Variants in CROCC observed in about 807,000 individuals in gnomAD.
CROCC encodes rootletin.
A neutral mutation model predicts 245.2 loss-of-function variants in CROCC; 180 were observed. That is an observed-to-expected ratio of 0.73 (90% CI 0.65 to 0.83). The LOEUF (loss-of-function observed/expected upper bound fraction) is 0.83. Ranked by LOEUF, CROCC falls within the 40% of genes least tolerant of loss-of-function variation. The pLI is 0.00. For synonymous variants in CROCC, 1,205 were observed against 1,241.6 expected, an observed-to-expected ratio of 0.97 and a Z score of 0.62; for missense variants, 2,688 against 2,779.4, an observed-to-expected ratio of 0.97 and a Z score of 0.74.
In CROCC at chr1:16,972,381, C is replaced by T. The variant is rs2076536125; in HGVS notation, c.5989C>T (p.Leu1997=). ...CCAGGTGTCCACACTGAAGGGCCAG[C>T]TGCAGCAGGAGCTTCGAAGGAGCTC... ...EEQVSTLKGQ[L]QQELRRSSAP... The change falls in exon 37 of 37, where the codon CTG becomes TTG. Residue 1997 remains leucine (L), a synonymous_variant. Transcript: ENST00000375541. 6.2e-7 allele frequency: 1 copy of T among 1,614,068 alleles called. No homozygotes were observed. Among genetic ancestry groups the T allele is most frequent in the Non-Finnish European group, 8.5e-7 (1 of 1,179,952 alleles).
At chr1:16,967,226 G>A (rs1460567603) in intron 30 of CROCC, among the ~76,000 whole-genome samples, 1 of 152,156 alleles carries the variant, frequency 6.6e-6, no homozygotes, top group Non-Finnish European at 1.5e-5. Flanking sequence ...TCTGTTTTAT[G>A]TCTCTGTAGT....
intron 17 of CROCC, among the ~76,000 whole-genome samples, chr1:16,947,468 C>CAAT (rs71006403): frequency 0.11 from 15,896 of 144,776 alleles, 81 homozygotes; most frequent in African/African-American, 0.15. Flanking sequence ...GACTCCGTCT[C>CAAT]AATAATAATA....
chr1:16,936,695 G>A lies in CROCC; in HGVS notation c.1015G>A (p.Gly339Ser). 6.2e-7 allele frequency: 1 copy of A among 1,604,252 alleles called. No homozygotes were observed. The change falls in exon 9 of 37, where the codon GGC (glycine) becomes AGC (serine). Residue 339 changes from glycine to serine, a missense_variant. This residue lies in a region of CROCC where 972 missense variants were observed against 895.3 expected (regional missense o/e 1.09). Transcript: ENST00000375541. Reference sequence around the variant, plus strand: ...GACATCACGAGCTGTCCAGGAGGCGGGCCTGGGACTGAGCACGGGCCTACG... The same window carrying A: ...GACATCACGAGCTGTCCAGGAGGCGAGCCTGGGACTGAGCACGGGCCTACG... ...ARTSRAVQEAGLGLSTGLRLA... is the reference protein window; with the variant it reads ...ARTSRAVQEASLGLSTGLRLA...
chr1:16,915,757 T>C (rs532460559), intron 1 of CROCC, among the ~76,000 whole-genome samples: 3 of 152,376 alleles, frequency 2.0e-5, no homozygotes, highest in African/African-American at 7.2e-5. Flanking sequence ...AGTGATATTT[T>C]TGAGCCAAAA....
In CROCC at chr1:16,970,109, A is replaced by C; in HGVS notation, c.5452-144A>C. On this transcript the variant is annotated intron_variant, in intron 33 of 36. Transcript: ENST00000375541. ...CAGATGGAGAAACAGACTGAGAGAG[A>C]CAGGTTTGGCTTCAGGTGACAATTC... 4 of 1,189,764 alleles carry C rather than the reference A, an allele frequency of 3.4e-6. No individual in the cohort carries two copies. In the South Asian group the frequency reaches 6.4e-5, roughly 19 times the overall value. 73.7% of individuals were successfully genotyped at this position (1,189,764 alleles called of 1,614,324 possible).
rs1345541832 is a variant in CROCC at position 16,955,521 on chromosome 1, T to C, written c.3675T>C (p.Ala1225=). The change falls in exon 24 of 37, where the codon GCT becomes GCC. Residue 1225 remains alanine, a synonymous_variant. Transcript: ENST00000375541. ...LRRSNEELRS[A]VKKAESERIS... The stretch of plus-strand genomic sequence containing the variant: ...GTTCCAATGAGGAGCTTCGGTCTGC[T>C]GTGAAGAAGGCAGAGAGCGAGCGCA... The C allele has an allele frequency of 1.3e-6, 2 of 1,566,342 alleles. No individual in the cohort carries two copies. The highest frequency in any genetic ancestry group is 1.7e-6 in the Non-Finnish European group (2 of 1,160,222).
chr1:16,936,565 T>C, intron 8 of CROCC, 72 bp from the exon 9 acceptor site: 7 of 1,428,328 alleles, frequency 4.9e-6, no homozygotes, highest in Non-Finnish European at 5.6e-6. Flanking sequence ...CACCACGCCC[T>C]GCCCAAGCAT....
At position 16,922,814 on chromosome 1, in the gene CROCC, G is replaced by A. The variant is rs374024275; in HGVS notation, c.196+16G>A. The stretch of plus-strand genomic sequence containing the variant: ...GAGAGCCCAGGTGCCACCCCCATCC[G>A]CTCCCCTCCACAAACACCACCCACA... On this transcript the variant is annotated intron_variant, in intron 2 of 36. Coordinates refer to ENST00000375541, the MANE Select transcript of CROCC (RefSeq NM_014675.5). The A allele has an allele frequency of 4.2e-5, 67 of 1,606,258 alleles. No homozygotes were observed. The highest frequency in any genetic ancestry group is 3.3e-4 in the Middle Eastern group (2 of 6,056).
In CROCC at chr1:16,936,906, C is replaced by T. The variant is rs376593750; in HGVS notation, c.1193+33C>T. ...CCTGGTGGATGCCGCACGAGGCAGG[C>T]GTCCCTGCAGAAGGTAAAACTGGAG... On this transcript the variant is annotated intron_variant, in intron 9 of 36. Coordinates refer to ENST00000375541, the MANE Select transcript of CROCC (RefSeq NM_014675.5). The T allele has an allele frequency of 2.4e-4, 374 of 1,580,770 alleles. No individual in the cohort carries two copies. Among genetic ancestry groups the T allele is most frequent in the African/African-American group, 1.9e-3 (143 of 74,574 alleles).
chr1:16,914,118 T>G (rs1442606829), intron 1 of CROCC, among the ~76,000 whole-genome samples: 2 of 151,344 alleles, frequency 1.3e-5, no homozygotes, highest in African/African-American at 4.8e-5. Flanking sequence ...CAGCAGCGGC[T>G]GCGGCGAAGG....
At position 16,930,011 on chromosome 1, in the gene CROCC, G is replaced by A; in HGVS notation, c.517G>A (p.Val173Met). ...QEGQQRQAQL[V>M]QRLQGKILQY... Reference sequence around the variant, plus strand: ...GGGCCAGCAGCGGCAGGCCCAGCTTGTGCAGCGGCTGCAGGGCAAGGTCAG... The same window carrying A: ...GGGCCAGCAGCGGCAGGCCCAGCTTATGCAGCGGCTGCAGGGCAAGGTCAG... Residue 173 changes from valine (V) to methionine (M), a missense_variant, in exon 4 of 37, where the codon GTG becomes ATG. Around this residue, in one of 9 missense-constraint regions of CROCC, gnomAD observed 972 missense variants for 895.3 expected, o/e 1.09. Transcript: ENST00000375541. 1 of 1,579,068 alleles carries A rather than the reference G, an allele frequency of 6.3e-7. No individual in the cohort carries two copies. The highest frequency in any genetic ancestry group is 8.6e-7 in the Non-Finnish European group (1 of 1,166,506).
intron 3 of CROCC, among the ~76,000 whole-genome samples, chr1:16,929,641 C>T (rs1198582739): frequency 7.2e-5 from 11 of 152,268 alleles, no homozygotes; most frequent in Admixed American, 5.2e-4. Context: ...CCATGCATGC[C>T]CCGTCTGCGT....
chr1:16,961,199 G>A (rs1011292301), intron 27 of CROCC, 69 bp downstream of exon 27: 8 of 1,238,174 alleles, frequency 6.5e-6, no homozygotes, highest in Admixed American at 4.3e-5. Flanking sequence ...GCCCCCACAT[G>A]GCAGGGTGTT....
chr1:16,960,711 G>A (rs1490061219), intron 26 of CROCC, 47 bp from the exon 27 acceptor site: 21 of 1,437,454 alleles, frequency 1.5e-5, no homozygotes, highest in Non-Finnish European at 1.7e-5. Flanking sequence ...GTGGGGCGTC[G>A]GGTTGGGAGA....
At chr1:16,915,049 C>G (rs1235881490) in intron 1 of CROCC, among the ~76,000 whole-genome samples, 1 of 152,264 alleles carries the variant, frequency 6.6e-6, no homozygotes, top group African/African-American at 2.4e-5. Context: ...GGCTCCCCAC[C>G]CGCGCACATT....
upstream of CROCC, among the ~76,000 whole-genome samples, chr1:16,918,484 C>A (rs1208222436): frequency 2.0e-5 from 3 of 152,206 alleles, no homozygotes; most frequent in African/African-American, 7.2e-5. Context: ...TTCCTCCAAC[C>A]CTTAGGGCCG....
At chr1:16,925,005 T>C (rs1225238778) in intron 3 of CROCC, among the ~76,000 whole-genome samples, 1 of 152,290 alleles carries the variant, frequency 6.6e-6, no homozygotes, top group Admixed American at 6.5e-5. Context: ...CCTGTCTTCA[T>C]GTCCAGGCAG....
In CROCC at chr1:16,924,498, G is replaced by T. The variant is rs1313350767; in HGVS notation, c.351+19G>T. On this transcript the variant is annotated intron_variant, in intron 3 of 36. Coordinates refer to ENST00000375541, the MANE Select transcript of CROCC (RefSeq NM_014675.5). The stretch of plus-strand genomic sequence containing the variant: ...CGAGAGGGTGGGTGCCGCCCAGGTG[G>T]TGGACTAGGCCAGGGTTCCCCTCGT... The T allele has an allele frequency of 1.2e-6, 2 of 1,607,304 alleles. No homozygotes were observed. The highest frequency in any genetic ancestry group is 2.7e-5 in the African/African-American group (2 of 74,898).
chr1:16,968,413 AG>A lies in CROCC; in HGVS notation c.5072del (p.Arg1691AsnfsTer8). ...CCAGGATCGGGTGGATTCCCTGCAG[AG>A]ACAGGTGGGCCCCTCCCCAAATCAC... ...ALQDRVDSLQRQVADSEVKAG... is the reference protein window; with the variant it reads ...ALQDRVDSLQXQVADSEVKAG... On this transcript the variant is annotated frameshift_variant, in exon 31 of 37. Coordinates refer to ENST00000375541, the MANE Select transcript of CROCC (RefSeq NM_014675.5). LOFTEE classifies it high-confidence loss of function. The A allele has an allele frequency of 6.8e-7, 1 of 1,480,546 alleles. No homozygotes were observed. The highest frequency in any genetic ancestry group is 9.0e-7 in the Non-Finnish European group (1 of 1,115,230). The allele number at this position is 1,480,546 out of a possible 1,614,324, so 91.7% of individuals were successfully genotyped here. A position where few individuals can be genotyped will look rare whatever the true frequency, so the allele number is the denominator to read the frequency against.
Sources: allele counts gnomAD v4.1 joint callset (sites outside exome capture counted in the v4.1 genomes callset), GRCh38; gene constraint gnomAD v4.1.1; regional missense constraint gnomAD v4.1.1; transcripts MANE v1.5; gene names NCBI Gene and HGNC (gene_info 2026-07-23, HGNC 2026-07-21).